WWTR1: variants seen among roughly 807,000 people sequenced by gnomAD.
WWTR1 encodes the protein WW domain containing transcription regulator 1, also known as WW domain-containing transcription regulator protein 1.
A neutral mutation model predicts 40.1 loss-of-function variants in WWTR1; 13 were observed. The observed-to-expected ratio is 0.32, with a 90% CI of 0.21 to 0.52. The LOEUF (loss-of-function observed/expected upper bound fraction) is 0.52. Among genes scored for constraint, WWTR1 ranks in the 20% least tolerant of loss-of-function variants. The pLI is 0.97. For missense variants in WWTR1, 436 were observed against 523.1 expected, an observed-to-expected ratio of 0.83 and a Z score of 1.63; for synonymous variants, 230 against 210.1, an observed-to-expected ratio of 1.09 and a Z score of -0.82.
chr3:149,689,085 G>C (rs989002650), intron 1 of WWTR1, among the ~76,000 whole-genome samples: 1 of 152,100 alleles, frequency 6.6e-6, no homozygotes, highest in Non-Finnish European at 1.5e-5. Context: ...CAGGCTATTT[G>C]AAAATACATG....
intron 2 of WWTR1, among the ~76,000 whole-genome samples, chr3:149,601,723 A>G (rs1163440495): frequency 6.7e-6 from 1 of 148,380 alleles, no homozygotes; most frequent in East Asian, 2.0e-4. Context: ...TTTTTTTTTT[A>G]CTTTTTAAAA....
At chr3:149,640,615 T>C (rs369290538) in intron 2 of WWTR1, among the ~76,000 whole-genome samples, 2 of 151,966 alleles carry the variant, frequency 1.3e-5, no homozygotes, top group African/African-American at 4.8e-5. Context: ...GAGACAGGGT[T>C]TCACCATGTT....
At chr3:149,562,759 A>G (rs945353473) in intron 3 of WWTR1, among the ~76,000 whole-genome samples, 2 of 152,064 alleles carry the variant, frequency 1.3e-5, no homozygotes, top group African/African-American at 2.4e-5. Flanking sequence ...ATCCTGGAGA[A>G]CTATTCAGAA....
At chr3:149,567,549 C>A (rs1737391983) in intron 3 of WWTR1, among the ~76,000 whole-genome samples, 2 of 152,168 alleles carry the variant, frequency 1.3e-5, no homozygotes, top group African/African-American at 4.8e-5. Flanking sequence ...ATGGTTGGGT[C>A]TTCCTGAAGG....
chr3:149,555,115 T>C (rs909316344), intron 3 of WWTR1, among the ~76,000 whole-genome samples: 2 of 152,236 alleles, frequency 1.3e-5, no homozygotes, highest in Non-Finnish European at 1.5e-5. Context: ...CTACTCCAGG[T>C]GCGAAGTATG....
intron 3 of WWTR1, among the ~76,000 whole-genome samples, chr3:149,568,079 A>G (rs1172478887): frequency 1.3e-5 from 2 of 152,086 alleles, no homozygotes; most frequent in Non-Finnish European, 2.9e-5. Flanking sequence ...AAGGCCCACA[A>G]CCTACTTAAA....
chr3:149,638,628 T>C (rs536533381), intron 2 of WWTR1, among the ~76,000 whole-genome samples: 7 of 151,596 alleles, frequency 4.6e-5, no homozygotes, highest in Non-Finnish European at 1.0e-4. Flanking sequence ...TCCATCCTTC[T>C]TAGTGTAAGT....
intron 1 of WWTR1, among the ~76,000 whole-genome samples, chr3:149,684,890 A>G (rs915740278): frequency 5.3e-5 from 8 of 151,972 alleles, no homozygotes; most frequent in African/African-American, 1.9e-4. Context: ...TCCCACCTAC[A>G]TTCTGATGGT....
At chr3:149,597,097 T>C (rs1232585199) in intron 2 of WWTR1, among the ~76,000 whole-genome samples, 1 of 152,170 alleles carries the variant, frequency 6.6e-6, no homozygotes, top group Non-Finnish European at 1.5e-5. Flanking sequence ...CTAGAACACA[T>C]AATTGTTTAA....
At chr3:149,700,374 C>G (rs906145092) in intron 1 of WWTR1, among the ~76,000 whole-genome samples, 64 of 152,106 alleles carry the variant, frequency 4.2e-4, no homozygotes, top group Non-Finnish European at 6.9e-4. Flanking sequence ...CTATGTGCCT[C>G]ATGATCCCAT....
chr3:149,567,094 T>C (rs1042952822), intron 3 of WWTR1, among the ~76,000 whole-genome samples: 1 of 151,836 alleles, frequency 6.6e-6, no homozygotes, highest in Admixed American at 6.6e-5. Context: ...GATACTAGCA[T>C]CTCAGGTCAG....
chr3:149,634,390 T>C (rs943390114), intron 2 of WWTR1, among the ~76,000 whole-genome samples: 5 of 152,124 alleles, frequency 3.3e-5, no homozygotes, highest in East Asian at 1.9e-4. Flanking sequence ...TACACGTAAA[T>C]GCATATTAAG....
chr3:149,612,757 T>C (rs1739794223), intron 2 of WWTR1, among the ~76,000 whole-genome samples: 1 of 152,156 alleles, frequency 6.6e-6, no homozygotes, highest in Non-Finnish European at 1.5e-5. Context: ...ATATGAGAGA[T>C]CAGAATTCCT....
At chr3:149,650,879 G>C (rs576452017) in intron 2 of WWTR1, among the ~76,000 whole-genome samples, 2 of 152,336 alleles carry the variant, frequency 1.3e-5, no homozygotes, top group Admixed American at 1.3e-4. Context: ...TCCAGATCCA[G>C]GTTGTCCCTC....
intron 2 of WWTR1, among the ~76,000 whole-genome samples, chr3:149,652,893 G>T (rs10804739): frequency 0.62 from 93,936 of 151,696 alleles, 29,201 homozygotes; most frequent in East Asian, 0.72. Flanking sequence ...ATTAAAAGTT[G>T]CCCTCTGTGA....
chr3:149,680,758 C>G (rs886836014), intron 1 of WWTR1, among the ~76,000 whole-genome samples: 1 of 152,102 alleles, frequency 6.6e-6, no homozygotes, highest in African/African-American at 2.4e-5. Flanking sequence ...AGGAGGATTG[C>G]TTGAGCCCAG....
chr3:149,647,516 AAG>A (rs1280812130), intron 2 of WWTR1, among the ~76,000 whole-genome samples: 1 of 152,166 alleles, frequency 6.6e-6, no homozygotes, highest in East Asian at 1.9e-4. Flanking sequence ...CGAAAACCAC[AAG>A]AGAGTATTCT....
intron 2 of WWTR1, among the ~76,000 whole-genome samples, chr3:149,663,313 C>T (rs927984864): frequency 1.8e-4 from 27 of 147,450 alleles, no homozygotes; most frequent in African/African-American, 5.7e-4. Flanking sequence ...CCACCAGGCC[C>T]GGCATATATT....
intron 2 of WWTR1, among the ~76,000 whole-genome samples, chr3:149,600,178 C>T (rs921804249): frequency 6.6e-6 from 1 of 151,868 alleles, no homozygotes; most frequent in African/African-American, 2.4e-5. Context: ...GGAACCAATC[C>T]TTTCCGGACA....
Sources: gnomAD v4.1 joint callset for allele counts (sites outside exome capture counted in the v4.1 genomes callset) on GRCh38, gnomAD v4.1.1 for gene constraint, MANE v1.5 for transcripts, NCBI Gene and HGNC (gene_info 2026-07-23, HGNC 2026-07-21) for gene names.